OTOGL: variants seen among roughly 807,000 people sequenced by gnomAD.
The protein encoded by OTOGL is otogelin like.
A neutral mutation model predicts 318.5 loss-of-function variants in OTOGL; 285 were observed. The observed-to-expected ratio is 0.89, with a 90% CI of 0.81 to 0.99. OTOGL has a LOEUF of 0.99. Among genes scored for constraint, OTOGL ranks in the 50% least tolerant of loss-of-function variants. OTOGL has a pLI of 0.00. For missense variants in OTOGL, 2,899 were observed against 2,845.6 expected, an observed-to-expected ratio of 1.02 and a Z score of -0.43; for synonymous variants, 987 against 936.5, an observed-to-expected ratio of 1.05 and a Z score of -0.99.
chr12:80,207,884 T>C (rs1241757431), intron 1 of OTOGL, among the ~76,000 whole-genome samples: 1 of 152,240 alleles, frequency 6.6e-6, no homozygotes, highest in African/African-American at 2.4e-5. Flanking sequence ...ATATATATTT[T>C]TGAACTAATA....
intron 29 of OTOGL, among the ~76,000 whole-genome samples, chr12:80,306,469 T>C (rs1886112049): frequency 6.6e-6 from 1 of 152,208 alleles, no homozygotes; most frequent in Non-Finnish European, 1.5e-5. Flanking sequence ...GAAACCACAA[T>C]TTCCTGATTG....
chr12:80,213,806 A>G (rs1022530117), intron 4 of OTOGL, among the ~76,000 whole-genome samples: 2 of 152,200 alleles, frequency 1.3e-5, no homozygotes, highest in African/African-American at 2.4e-5. Flanking sequence ...AGAGCGGGCA[A>G]TGAGGTCATA....
rs899426578 is a variant in OTOGL, at chr12:80,336,347, A to C, written c.4601-66A>C. On this transcript the variant is annotated intron_variant, in intron 39 of 58. Coordinates refer to ENST00000547103, the MANE Select transcript of OTOGL (RefSeq NM_001378609.3). Reference sequence around the variant, plus strand: ...AGGCTAATTTAACAGATTTTTTTAAAAGAGCAATTATTACTGAAAATGCAG... The same window carrying C: ...AGGCTAATTTAACAGATTTTTTTAACAGAGCAATTATTACTGAAAATGCAG... 12 of 1,449,104 alleles carry C rather than the reference A, an allele frequency of 8.3e-6. No homozygotes were observed. In the African/African-American group the frequency reaches 1.6e-4, roughly 19 times the overall value. 89.8% of individuals were successfully genotyped at this position (1,449,104 alleles called of 1,614,324 possible).
chr12:80,362,681 A>G (rs535164624), intron 52 of OTOGL, among the ~76,000 whole-genome samples: 1 of 152,308 alleles, frequency 6.6e-6, no homozygotes, highest in Admixed American at 6.5e-5. Context: ...TGTTAATCAC[A>G]TTATAGAGAT....
intron 11 of OTOGL, among the ~76,000 whole-genome samples, chr12:80,246,244 T>G (rs1880872577): frequency 6.7e-6 from 1 of 149,430 alleles, no homozygotes; most frequent in South Asian, 2.1e-4. Context: ...TTGTGCCGGT[T>G]TTCAAAGGGA....
intron 29 of OTOGL, among the ~76,000 whole-genome samples, chr12:80,307,923 A>AC (rs1886310444): frequency 9.7e-6 from 1 of 103,180 alleles, no homozygotes; most frequent in Admixed American, 9.7e-5. Context: ...GCGGGGGCTG[A>AC]CCCCCCCACC....
At chr12:80,288,154 T>C (rs1012808041) in intron 26 of OTOGL, among the ~76,000 whole-genome samples, 1 of 152,208 alleles carries the variant, frequency 6.6e-6, no homozygotes, top group Non-Finnish European at 1.5e-5. Context: ...CCTTTGCTTA[T>C]GAAGCCTAGT....
At chr12:80,214,908 A>G (rs562009818) in intron 4 of OTOGL, among the ~76,000 whole-genome samples, 1 of 152,322 alleles carries the variant, frequency 6.6e-6, no homozygotes, top group African/African-American at 2.4e-5. Context: ...TCAATAAATA[A>G]ATAAATAAAA....
At chr12:80,260,465 G>A (rs984371824) in intron 18 of OTOGL, among the ~76,000 whole-genome samples, 7 of 152,140 alleles carry the variant, frequency 4.6e-5, no homozygotes, top group African/African-American at 1.7e-4. Flanking sequence ...ACCAGTCCCC[G>A]CCACGTGTAA....
Position 80,310,731 on chromosome 12 carries a change from A to C in OTOGL, c.3450+4A>C. The C allele has an allele frequency of 6.5e-7, 1 of 1,537,090 alleles. No individual in the cohort carries two copies. Among genetic ancestry groups the C allele is most frequent in the African/African-American group, 1.4e-5 (1 of 73,594 alleles). ...TTTTGCTTCTTGTCGCAATGTGGTA[A>C]ATGAATACTTTAATGAACTCTCGAG... On this transcript the variant is annotated splice_donor_region_variant and intron_variant, in intron 30 of 58. Coordinates refer to ENST00000547103, the MANE Select transcript of OTOGL (RefSeq NM_001378609.3).
intron 52 of OTOGL, among the ~76,000 whole-genome samples, chr12:80,365,183 C>T (rs1403253891): frequency 6.6e-6 from 1 of 151,962 alleles, no homozygotes; most frequent in Non-Finnish European, 1.5e-5. Context: ...AAACATATGT[C>T]CACATAAAAA....
At chr12:80,296,186 G>C (rs997601670) in intron 26 of OTOGL, among the ~76,000 whole-genome samples, 1 of 152,144 alleles carries the variant, frequency 6.6e-6, no homozygotes, top group Non-Finnish European at 1.5e-5. Context: ...AAACAGATTA[G>C]GAATTTGAAC....
At position 80,356,517 on chromosome 12, in the gene OTOGL, TGTG is replaced by T. The variant is rs1889910979; in HGVS notation, c.5911_5911+2del. 1 of 1,588,998 alleles carries T rather than the reference TGTG, an allele frequency of 6.3e-7. No individual in the cohort carries two copies. The highest frequency in any genetic ancestry group is 1.4e-5 in the African/African-American group (1 of 74,034). On this transcript the variant is annotated stop_gained and inframe_deletion and splice_region_variant, in exon 48 of 59. Transcript: ENST00000547103. LOFTEE classifies it high-confidence loss of function. ...TCTTTCTTGCTGTCCACAGTACAAA[TGTG>T]GTAAGTAATCAATATAGAAAATTAA...
intron 23 of OTOGL, among the ~76,000 whole-genome samples, chr12:80,270,688 T>G (rs1883343035): frequency 6.6e-6 from 1 of 152,124 alleles, no homozygotes; most frequent in African/African-American, 2.4e-5. Flanking sequence ...CTGGGACTAG[T>G]AGCAATAAAT....
chr12:80,377,787 C>A, intron 58 of OTOGL, 61 bp from the exon 59 acceptor site: 1 of 1,284,950 alleles, frequency 7.8e-7, no homozygotes, highest in South Asian at 1.4e-5. Flanking sequence ...TTAGTGGAAT[C>A]AAATAATAAC....
chr12:80,364,443 AT>A, intron 52 of OTOGL, among the ~76,000 whole-genome samples: 1 of 152,300 alleles, frequency 6.6e-6, no homozygotes, highest in African/African-American at 2.4e-5. Flanking sequence ...CAATACATCC[AT>A]TTAAAGTGTA....
intron 28 of OTOGL, among the ~76,000 whole-genome samples, chr12:80,303,274 G>T (rs529821326): frequency 6.6e-6 from 1 of 152,254 alleles, no homozygotes; most frequent in South Asian, 2.1e-4. Context: ...TCCTGCCTCA[G>T]CCTCCGGAGT....
intron 1 of OTOGL, among the ~76,000 whole-genome samples, chr12:80,127,425 G>A (rs1179582030): frequency 6.6e-6 from 1 of 152,224 alleles, no homozygotes; most frequent in African/African-American, 2.4e-5. Context: ...TTAGTCTGAT[G>A]GGCTTCCCTT....
chr12:80,366,464 G>A (rs970901706), intron 52 of OTOGL, 110 bp from the exon 53 acceptor site: 2 of 298,812 alleles, frequency 6.7e-6, no homozygotes, highest in Non-Finnish European at 1.3e-5. Context: ...CACTGAGTAT[G>A]TGTGTGTGTG....
Sources: gnomAD v4.1 joint callset for allele counts (sites outside exome capture counted in the v4.1 genomes callset) on GRCh38, gnomAD v4.1.1 for gene constraint, MANE v1.5 for transcripts, NCBI Gene and HGNC (gene_info 2026-07-23, HGNC 2026-07-21) for gene names.